The following RABGAP1L variants were observed in gnomAD, a reference collection of about 807,000 sequenced individuals.
The protein encoded by RABGAP1L is rab GTPase-activating protein 1-like.
Under a neutral mutation model 137.7 loss-of-function variants are expected in RABGAP1L, and 63 were observed. The ratio of observed to expected loss-of-function variants is 0.46; its 90% CI spans 0.37 to 0.56. The LOEUF (loss-of-function observed/expected upper bound fraction) is 0.56, where lower values mean the gene tolerates loss of function less well. RABGAP1L is among the 20% of genes least tolerant of loss of function. The probability of loss-of-function intolerance (pLI) is 0.00; values close to 1 mark genes in which losing one functional copy is unlikely to be tolerated. For missense variants in RABGAP1L, 1,095 were observed against 1,244.0 expected (o/e 0.88, Z 1.80); for synonymous variants, 431 against 433.7 (o/e 0.99, Z 0.08).
At chr1:174,197,050 A>G (rs1169073154) in intron 1 of RABGAP1L, among the ~76,000 whole-genome samples, 1 of 152,274 alleles carries the variant, frequency 6.6e-6, no homozygotes, top group African/African-American at 2.4e-5. Flanking sequence ...TCTGGGATTC[A>G]TATTATCATA....
intron 13 of RABGAP1L, among the ~76,000 whole-genome samples, chr1:174,512,610 A>G (rs1662452458): frequency 6.6e-6 from 1 of 152,202 alleles, no homozygotes; most frequent in African/African-American, 2.4e-5. Flanking sequence ...TCAAAGCATA[A>G]TGACCACACT....
intron 14 of RABGAP1L, among the ~76,000 whole-genome samples, chr1:174,657,016 G>T (rs187285565): frequency 1.3e-3 from 197 of 152,230 alleles, no homozygotes; most frequent in Non-Finnish European, 2.0e-3. Context: ...CATGTACATA[G>T]CCCTGCACAT....
intron 15 of RABGAP1L, among the ~76,000 whole-genome samples, chr1:174,685,214 G>A (rs1231170659): frequency 2.0e-5 from 3 of 151,974 alleles, no homozygotes; most frequent in Non-Finnish European, 4.4e-5. Flanking sequence ...ATTGAATGAA[G>A]GAAAAAGTTT....
At chr1:174,623,738 A>T (rs539053467) in intron 13 of RABGAP1L, among the ~76,000 whole-genome samples, 132 of 152,182 alleles carry the variant, frequency 8.7e-4, no homozygotes, top group Non-Finnish European at 1.3e-3. Context: ...TGTAGGTAAA[A>T]CTTGTATGGC....
At chr1:174,647,517 T>C (rs541009225) in intron 14 of RABGAP1L, among the ~76,000 whole-genome samples, 1 of 152,150 alleles carries the variant, frequency 6.6e-6, no homozygotes, top group African/African-American at 2.4e-5. Context: ...ATTGATTGAT[T>C]TGCATATGTT....
At chr1:174,383,230 C>T (rs544592625) in intron 12 of RABGAP1L, among the ~76,000 whole-genome samples, 22 of 151,408 alleles carry the variant, frequency 1.5e-4, no homozygotes, top group Admixed American at 1.3e-3. Context: ...GCAGAGGTTA[C>T]TGCTGTCTTT....
At chr1:174,632,185 T>C (rs1329942274) in intron 13 of RABGAP1L, among the ~76,000 whole-genome samples, 1 of 126,568 alleles carries the variant, frequency 7.9e-6, no homozygotes, top group Non-Finnish European at 1.6e-5. Flanking sequence ...AATTCTGGGT[T>C]GAAAATTCTT....
At chr1:174,175,613 C>G (rs370328893) in intron 1 of RABGAP1L, among the ~76,000 whole-genome samples, 1 of 149,202 alleles carries the variant, frequency 6.7e-6, no homozygotes, top group Non-Finnish European at 1.5e-5. Context: ...CGTGCCACCA[C>G]GCCCGGCTAC....
chr1:174,357,990 C>T (rs577349280), intron 11 of RABGAP1L, among the ~76,000 whole-genome samples: 2 of 152,318 alleles, frequency 1.3e-5, no homozygotes, highest in East Asian at 3.9e-4. Flanking sequence ...ATGTTAGATA[C>T]AGACAACTGA....
At position 174,393,968 on chromosome 1, in the gene RABGAP1L, G is replaced by T; in HGVS notation, c.1560-27G>T. On this transcript the variant is annotated intron_variant, in intron 12 of 25. Coordinates refer to ENST00000681986, the MANE Select transcript of RABGAP1L (RefSeq NM_001366446.1). ...AGTTCAGGAGTTGTAAAGGAAGTGTGAATGGATTATTTTCTTGTCTTCTCA... is the reference window on the plus strand; with the variant it reads ...AGTTCAGGAGTTGTAAAGGAAGTGTTAATGGATTATTTTCTTGTCTTCTCA... The T allele has an allele frequency of 2.5e-6, 4 of 1,607,052 alleles. No individual in the cohort carries two copies. In the South Asian group the frequency reaches 4.4e-5, roughly 18 times the overall value.
chr1:174,448,307 C>G lies in RABGAP1L; in HGVS notation c.1710+54162C>G, dbSNP rs750378976. 1.9e-6 allele frequency: 3 copies of G among 1,612,860 alleles called. No homozygotes were observed. Among genetic ancestry groups the G allele is most frequent in the Non-Finnish European group, 1.7e-6 (2 of 1,178,858 alleles). ...GAATCTAACAGTTATCTTTGTCTTT[C>G]ATTGTGCTCCACTGTTACATCATTA... On this transcript the variant is annotated intron_variant, in intron 13 of 25. Transcript: ENST00000681986. The surrounding 1 kb of genome is among the most constrained non-coding windows in gnomAD (Gnocchi z 4.2).
intron 19 of RABGAP1L, among the ~76,000 whole-genome samples, chr1:174,899,957 G>C (rs1657875028): frequency 1.3e-5 from 2 of 152,110 alleles, no homozygotes; most frequent in African/African-American, 4.8e-5. Context: ...ATAATCTTCA[G>C]ATTCCTGAAG....
intron 19 of RABGAP1L, among the ~76,000 whole-genome samples, chr1:174,845,437 G>C (rs1279470945): frequency 1.4e-4 from 6 of 41,968 alleles, no homozygotes; most frequent in African/African-American, 6.6e-5. Context: ...TAGCATGAAG[G>C]GTTGTTGAAT....
intron 17 of RABGAP1L, among the ~76,000 whole-genome samples, chr1:174,717,402 C>T (rs1681108701): frequency 6.6e-6 from 1 of 152,080 alleles, no homozygotes; most frequent in Admixed American, 6.5e-5. Flanking sequence ...GAACGAGATT[C>T]CTGTCTCAAA....
intron 13 of RABGAP1L, among the ~76,000 whole-genome samples, chr1:174,552,583 C>T (rs955938890): frequency 6.6e-6 from 1 of 152,024 alleles, no homozygotes; most frequent in African/African-American, 2.4e-5. Flanking sequence ...GAATGAGATC[C>T]TATACACCAT....
intron 13 of RABGAP1L, among the ~76,000 whole-genome samples, chr1:174,568,937 G>T (rs1667788933): frequency 6.6e-6 from 1 of 152,208 alleles, no homozygotes. Flanking sequence ...GTTTACATGT[G>T]TTGGGTATTT....
intron 11 of RABGAP1L, among the ~76,000 whole-genome samples, chr1:174,333,882 T>C (rs1681251855): frequency 6.6e-6 from 1 of 152,200 alleles, no homozygotes; most frequent in Non-Finnish European, 1.5e-5. Context: ...AAGCTCAGTC[T>C]TGCAAGTAGC....
intron 14 of RABGAP1L, among the ~76,000 whole-genome samples, chr1:174,637,931 A>T (rs1390280635): frequency 6.6e-6 from 1 of 152,206 alleles, no homozygotes; most frequent in Non-Finnish European, 1.5e-5. Flanking sequence ...CACATCATAT[A>T]TTTTTGTACG....
chr1:174,511,224 TC>T (rs1457249575), intron 13 of RABGAP1L, among the ~76,000 whole-genome samples: 5 of 152,168 alleles, frequency 3.3e-5, no homozygotes, highest in African/African-American at 1.2e-4. Flanking sequence ...AATAAATGTG[TC>T]TATAAGGTAC....
Sources: allele counts gnomAD v4.1 joint callset (sites outside exome capture counted in the v4.1 genomes callset), GRCh38; gene constraint gnomAD v4.1.1; non-coding constraint Gnocchi (gnomAD v3.1); transcripts MANE v1.5; gene names NCBI Gene and HGNC (gene_info 2026-07-23, HGNC 2026-07-21).